The following SLC39A11 variants were observed in gnomAD, a reference collection of about 807,000 sequenced individuals.
SLC39A11 encodes the protein zinc transporter ZIP11.
In SLC39A11, 33 loss-of-function variants were observed where a neutral mutation model predicts 36.1. The ratio of observed to expected loss-of-function variants is 0.91; its 90% CI spans 0.69 to 1.22. SLC39A11 has a LOEUF of 1.22. SLC39A11 is among the 50% of genes most tolerant of loss of function. The pLI, the probability that SLC39A11 is intolerant of heterozygous loss-of-function variation, is 0.00. For synonymous variants in SLC39A11, 166 were observed against 170.3 expected, an observed-to-expected ratio of 0.97 and a Z score of 0.20; for missense variants, 432 against 430.3, an observed-to-expected ratio of 1.00 and a Z score of -0.03.
chr17:72,819,271 C>G (rs1030979943), intron 6 of SLC39A11, among the ~76,000 whole-genome samples: 1 of 151,060 alleles, frequency 6.6e-6, no homozygotes, highest in Non-Finnish European at 1.5e-5. Context: ...GAGAAGATGA[C>G]GTCAAGAGAC....
chr17:73,062,110 T>C (rs1033096563), intron 3 of SLC39A11, among the ~76,000 whole-genome samples: 29 of 152,006 alleles, frequency 1.9e-4, no homozygotes, highest in African/African-American at 6.5e-4. Flanking sequence ...ACTAGGATGG[T>C]TTGTAACCAG....
rs1306348789 is a variant in SLC39A11 at position 72,977,470 on chromosome 17, T to C, written c.307-29595A>G. Reference sequence around the variant, plus strand: ...TGTACACAGCAAGAGAAAACTAAAATACCAGGGCAGGAAAAGGAGCGTGTC... The same window carrying C: ...TGTACACAGCAAGAGAAAACTAAAACACCAGGGCAGGAAAAGGAGCGTGTC... On this transcript the variant is annotated intron_variant, in intron 4 of 9. Transcript: ENST00000255559. Among the ~76,000 whole-genome samples the C allele has an allele frequency of 2.0e-5, 3 of 152,024 alleles. No individual in the cohort carries two copies. In the East Asian group the frequency reaches 5.8e-4, roughly 29 times the overall value.
chr17:72,896,192 CTTTTTT>C (rs771180987), intron 5 of SLC39A11, among the ~76,000 whole-genome samples: 1 of 74,552 alleles, frequency 1.3e-5, no homozygotes, highest in Non-Finnish European at 2.4e-5. Context: ...CACATTAATC[CTTTTTT>C]TTTTTTTTTT....
intron 3 of SLC39A11, among the ~76,000 whole-genome samples, chr17:73,064,085 C>CA (rs58225858): frequency 0.2 from 29,805 of 145,874 alleles, 3,706 homozygotes; most frequent in East Asian, 0.64. Context: ...AATGCTACAG[C>CA]AAAAAAAAAA....
intron 5 of SLC39A11, among the ~76,000 whole-genome samples, chr17:72,879,369 CTT>C (rs1422980799): frequency 6.6e-6 from 1 of 152,228 alleles, no homozygotes; most frequent in Non-Finnish European, 1.5e-5. Context: ...AAAAGATACT[CTT>C]ATCACTCATA....
At chr17:72,928,488 T>C (rs1407596458) in intron 5 of SLC39A11, among the ~76,000 whole-genome samples, 2 of 152,098 alleles carry the variant, frequency 1.3e-5, no homozygotes, top group African/African-American at 4.8e-5. Flanking sequence ...AATGTCATAT[T>C]AAGAAGGTAA....
chr17:72,726,910 T>C lies in SLC39A11; in HGVS notation c.671+9740A>G, dbSNP rs561288795. Among the ~76,000 whole-genome samples, 4 of 152,230 alleles carry C rather than the reference T, an allele frequency of 2.6e-5. No homozygotes were observed. In the South Asian group the frequency reaches 8.3e-4, roughly 32 times the overall value. Reference sequence around the variant, plus strand: ...AATCAACCATGCCTCCTTTACCAAGTGTCTGGGTGTTGATTAGCAGTAGCT... The same window carrying C: ...AATCAACCATGCCTCCTTTACCAAGCGTCTGGGTGTTGATTAGCAGTAGCT... On this transcript the variant is annotated intron_variant, in intron 7 of 9. Transcript: ENST00000255559.
chr17:72,734,834 G>C (rs1048803284), intron 7 of SLC39A11, among the ~76,000 whole-genome samples: 1 of 152,104 alleles, frequency 6.6e-6, no homozygotes, highest in Non-Finnish European at 1.5e-5. Context: ...GGAGGACTTG[G>C]CCTTTGAATG....
chr17:73,031,901 T>G (rs1369121881), intron 3 of SLC39A11, among the ~76,000 whole-genome samples, 187 bp from the exon 4 acceptor site: 1 of 152,134 alleles, frequency 6.6e-6, no homozygotes, highest in East Asian at 1.9e-4. Flanking sequence ...AGCTTACTAT[T>G]GCAAGAACTC....
intron 4 of SLC39A11, among the ~76,000 whole-genome samples, chr17:73,005,151 A>G (rs542191142): frequency 6.6e-6 from 1 of 152,106 alleles, no homozygotes; most frequent in East Asian, 1.9e-4. Flanking sequence ...TAATTTTTGT[A>G]TTTTTTGGTA....
At chr17:73,004,486 G>A (rs954419622) in intron 4 of SLC39A11, among the ~76,000 whole-genome samples, 8 of 152,104 alleles carry the variant, frequency 5.3e-5, no homozygotes, top group East Asian at 1.9e-4. Context: ...CCATCCTCAC[G>A]ACATCATCTA....
At chr17:72,735,724 G>A (rs2074400128) in intron 7 of SLC39A11, among the ~76,000 whole-genome samples, 1 of 152,174 alleles carries the variant, frequency 6.6e-6, no homozygotes, top group African/African-American at 2.4e-5. Context: ...GCTGCCCTCA[G>A]ATAGAAGGCT....
chr17:72,688,756 T>A (rs2071872254), intron 7 of SLC39A11, among the ~76,000 whole-genome samples: 1 of 152,144 alleles, frequency 6.6e-6, no homozygotes, highest in Admixed American at 6.5e-5. Flanking sequence ...CATCAACTGG[T>A]CTGTGCAAAT....
intron 4 of SLC39A11, among the ~76,000 whole-genome samples, chr17:72,961,384 C>T (rs1288320979): frequency 7.0e-6 from 1 of 142,254 alleles, no homozygotes; most frequent in African/African-American, 2.6e-5. Context: ...AATCCCATTA[C>T]TGGGTATAGA....
chr17:72,750,139 G>A (rs952596912), intron 6 of SLC39A11, among the ~76,000 whole-genome samples: 3 of 152,134 alleles, frequency 2.0e-5, no homozygotes, highest in Non-Finnish European at 4.4e-5. Context: ...TGCCCCTTGG[G>A]AGCCAAGAGA....
At chr17:72,937,047 C>T (rs2084815240) in intron 5 of SLC39A11, among the ~76,000 whole-genome samples, 1 of 152,224 alleles carries the variant, frequency 6.6e-6, no homozygotes, top group South Asian at 2.1e-4. Context: ...AAGAGGTTAG[C>T]AAGCGCCAGT....
chr17:72,888,892 A>T (rs2081577083), intron 5 of SLC39A11, among the ~76,000 whole-genome samples: 1 of 151,978 alleles, frequency 6.6e-6, no homozygotes, highest in Admixed American at 6.6e-5. Flanking sequence ...GTATAGCAAG[A>T]CCCTGTCTCT....
intron 3 of SLC39A11, among the ~76,000 whole-genome samples, chr17:73,032,713 C>A (rs2058777030): frequency 6.6e-6 from 1 of 152,134 alleles, no homozygotes; most frequent in Non-Finnish European, 1.5e-5. Context: ...TATGTGACAG[C>A]CTCTGAAATA....
intron 7 of SLC39A11, among the ~76,000 whole-genome samples, chr17:72,699,810 T>G (rs1322441577): frequency 6.6e-6 from 1 of 152,184 alleles, no homozygotes; most frequent in Admixed American, 6.5e-5. Context: ...CTCCACCGCA[T>G]GTGATTCATC....
Sources: allele counts gnomAD v4.1 joint callset (sites outside exome capture counted in the v4.1 genomes callset), GRCh38; gene constraint gnomAD v4.1.1; transcripts MANE v1.5; gene names NCBI Gene and HGNC (gene_info 2026-07-23, HGNC 2026-07-21).